MTG1: variants seen among roughly 807,000 people sequenced by gnomAD.
The protein encoded by MTG1 is mitochondrial ribosome associated GTPase 1.
MTG1 carries 30 observed loss-of-function variants against 39.5 expected under a neutral mutation model. That is an observed-to-expected ratio of 0.76 (90% CI 0.57 to 1.03). The LOEUF (loss-of-function observed/expected upper bound fraction) is 1.03, where lower values mean the gene tolerates loss of function less well. MTG1 is among the 50% of genes least tolerant of loss of function. The probability of loss-of-function intolerance (pLI) is 0.00; values close to 1 mark genes in which losing one functional copy is unlikely to be tolerated. For missense variants in MTG1, 513 were observed against 447.4 expected (o/e 1.15, Z -1.32); for synonymous variants, 217 against 179.0 (o/e 1.21, Z -1.69).
In MTG1 at chr10:133,420,250, G is replaced by C; in HGVS notation, c.*85G>C. The C allele has an allele frequency of 6.8e-7, 1 of 1,462,268 alleles. No individual in the cohort carries two copies. Among genetic ancestry groups the C allele is most frequent in the Non-Finnish European group, 9.1e-7 (1 of 1,097,168 alleles). The allele number at this position is 1,462,268 out of a possible 1,614,324, so 90.6% of individuals were successfully genotyped here. A position where few individuals can be genotyped will look rare whatever the true frequency, so the allele number is the denominator to read the frequency against. On this transcript the variant is annotated 3_prime_UTR_variant, in exon 11 of 11. Transcript: ENST00000317502. Reference sequence around the variant, plus strand: ...GTTGAGGCTCAAGACAGCTCACCCGGTCCAGAAGCTCCATGCTGGTCACTA... The same window carrying C: ...GTTGAGGCTCAAGACAGCTCACCCGCTCCAGAAGCTCCATGCTGGTCACTA...
At chr10:133,394,624 C>T (rs1262498782) in intron 1 of MTG1, 4 of 1,263,282 alleles carry the variant, frequency 3.2e-6, no homozygotes, top group Non-Finnish European at 4.0e-6. Context: ...GTCCTCTGTT[C>T]CCAGCAAGTT....
intron 1 of MTG1, 38 bp downstream of exon 1, chr10:133,394,370 G>A: frequency 1.4e-6 from 2 of 1,427,410 alleles, no homozygotes; most frequent in Non-Finnish European, 1.8e-6. Context: ...CATGCCTACG[G>A]CCGCGGCGCC....
chr10:133,395,117 C>G (rs1231283667), intron 1 of MTG1, among the ~76,000 whole-genome samples: 1 of 152,114 alleles, frequency 6.6e-6, no homozygotes, highest in African/African-American at 2.4e-5. Context: ...GTGGAAGGGC[C>G]CGGCCCGGTG....
intron 9 of MTG1, among the ~76,000 whole-genome samples, chr10:133,409,967 G>A (rs78041213): frequency 1.4e-4 from 21 of 149,562 alleles, no homozygotes; most frequent in East Asian, 9.8e-4. Flanking sequence ...TTCAGTCTGC[G>A]TATGTCTTTA....
Position 133,420,221 on chromosome 10 carries a change from G to C in MTG1, c.*56G>C. On this transcript the variant is annotated 3_prime_UTR_variant, in exon 11 of 11. Coordinates refer to ENST00000317502, the MANE Select transcript of MTG1 (RefSeq NM_138384.4). Reference sequence around the variant, plus strand: ...GTGGCCTCCCAGACCTCCTGACCTGGGTGGTTGAGGCTCAAGACAGCTCAC... The same window carrying C: ...GTGGCCTCCCAGACCTCCTGACCTGCGTGGTTGAGGCTCAAGACAGCTCAC... 1 of 1,544,188 alleles carries C rather than the reference G, an allele frequency of 6.5e-7. No individual in the cohort carries two copies. Among genetic ancestry groups the C allele is most frequent in the Non-Finnish European group, 8.7e-7 (1 of 1,146,562 alleles).
intron 1 of MTG1, among the ~76,000 whole-genome samples, chr10:133,395,109 G>C (rs1294208241): frequency 4.6e-5 from 7 of 152,146 alleles, no homozygotes; most frequent in Non-Finnish European, 1.0e-4. Context: ...TAAGACCCGT[G>C]GAAGGGCCCG....
chr10:133,397,234 TTCTCCCTCTCTC>T (rs1483150727), intron 3 of MTG1, among the ~76,000 whole-genome samples: 3 of 152,042 alleles, frequency 2.0e-5, no homozygotes, highest in Admixed American at 6.6e-5. Flanking sequence ...CTGTCTCTCT[TTCTCCCTCTCTC>T]TCTGCCTTGG....
intron 3 of MTG1, among the ~76,000 whole-genome samples, chr10:133,396,531 G>C (rs572226722): frequency 8.6e-4 from 131 of 152,354 alleles, no homozygotes; most frequent in African/African-American, 3.1e-3. Flanking sequence ...CAGAGCCCGA[G>C]TGGTCAGTGA....
Position 133,420,120 on chromosome 10 carries a change from C to T in MTG1, c.960C>T (p.Asp320=). 6.2e-7 allele frequency: 1 copy of T among 1,613,288 alleles called. No homozygotes were observed. The highest frequency in any genetic ancestry group is 1.1e-5 in the South Asian group (1 of 91,026). Residue 320 remains aspartate (D), a synonymous_variant, in exon 11 of 11, where the codon GAC becomes GAT. Transcript: ENST00000317502. The part of the protein sequence containing the change: ...RRGLLGSVML[D]LDVLRGHPPA... ...GGCTGCTGGGTTCCGTGATGCTGGA[C>T]CTCGACGTCCTGCGGGGCCACCCCC...
At chr10:133,401,930 G>C (rs1849884354) in intron 7 of MTG1, 2 of 589,638 alleles carry the variant, frequency 3.4e-6, no homozygotes, top group Non-Finnish European at 6.0e-6. Context: ...CAGAAGACAA[G>C]CTGTTGGGAC....
At chr10:133,411,112 T>C (rs1255100704) in intron 9 of MTG1, among the ~76,000 whole-genome samples, 1 of 152,246 alleles carries the variant, frequency 6.6e-6, no homozygotes. Context: ...TTCTTTCAGA[T>C]TGAAGAACTT....
intron 5 of MTG1, 85 bp downstream of exon 5, chr10:133,399,311 G>A (rs1589909860): frequency 6.6e-7 from 1 of 1,504,298 alleles, no homozygotes; most frequent in South Asian, 1.1e-5. Context: ...CAAGGAGAAG[G>A]CGCAGCGCCC....
chr10:133,394,598 C>T, intron 1 of MTG1: 1 of 1,303,864 alleles, frequency 7.7e-7, no homozygotes, highest in Non-Finnish European at 9.7e-7. Context: ...CCTCCTACCT[C>T]TGGCCCGCCG....
intron 9 of MTG1, among the ~76,000 whole-genome samples, chr10:133,412,741 A>T (rs1850065324): frequency 6.6e-6 from 1 of 152,106 alleles, no homozygotes; most frequent in Non-Finnish European, 1.5e-5. Context: ...AGGCTTATTA[A>T]TTTTATTGAT....
intron 9 of MTG1, among the ~76,000 whole-genome samples, chr10:133,409,716 G>C (rs906452694): frequency 2.0e-5 from 3 of 152,164 alleles, no homozygotes; most frequent in Non-Finnish European, 2.9e-5. Context: ...TGGGTGCATA[G>C]ATATTTATAA....
intron 7 of MTG1, 93 bp downstream of exon 7, chr10:133,401,683 C>G (rs564777841): frequency 1.6e-6 from 2 of 1,225,896 alleles, no homozygotes; most frequent in South Asian, 1.2e-5. Flanking sequence ...GGCTGCTGAC[C>G]ACGCTTCCCT....
At chr10:133,408,561 C>T (rs1430666134) in intron 9 of MTG1, among the ~76,000 whole-genome samples, 2 of 152,126 alleles carry the variant, frequency 1.3e-5, no homozygotes, top group Non-Finnish European at 2.9e-5. Flanking sequence ...AGGATAATGC[C>T]ATATACAGTG....
chr10:133,416,805 G>C (rs1410243471), intron 9 of MTG1, among the ~76,000 whole-genome samples: 3 of 149,234 alleles, frequency 2.0e-5, no homozygotes, highest in Non-Finnish European at 4.4e-5. Flanking sequence ...GTCTATTATT[G>C]TTGGACATTT....
chr10:133,399,209 C>T lies in MTG1; in HGVS notation c.403C>T (p.Arg135Cys), dbSNP rs377067257. Reference sequence around the variant, plus strand: ...CACTGAACTGATTGGGAGAAGCCACCGCTACCACCGAAAAGAGGTTGGTTG... The same window carrying T: ...CACTGAACTGATTGGGAGAAGCCACTGCTACCACCGAAAAGAGGTTGGTTG... Reference protein sequence around the residue: ...MVTELIGRSHRYHRKENLEYC... With the variant: ...MVTELIGRSHCYHRKENLEYC... The change falls in exon 5 of 11, where the codon CGC becomes TGC. Residue 135 changes from arginine (R) to cysteine (C), a missense_variant. Transcript: ENST00000317502. 11 of 1,613,878 alleles carry T rather than the reference C, an allele frequency of 6.8e-6. No homozygotes were observed. Among genetic ancestry groups the T allele is most frequent in the Admixed American group, 5.0e-5 (3 of 59,980 alleles).
Sources: allele counts gnomAD v4.1 joint callset (sites outside exome capture counted in the v4.1 genomes callset), GRCh38; gene constraint gnomAD v4.1.1; transcripts MANE v1.5; gene names NCBI Gene and HGNC (gene_info 2026-07-23, HGNC 2026-07-21).